RFX7: variants seen among roughly 807,000 people sequenced by gnomAD.
RFX7 encodes regulatory factor X7.
RFX7 carries 26 observed loss-of-function variants against 111.8 expected under a neutral mutation model. The ratio of observed to expected loss-of-function variants is 0.23; its 90% confidence interval spans 0.17 to 0.32. The LOEUF is 0.32. RFX7 is among the 10% of genes least tolerant of loss of function. The probability of loss-of-function intolerance (pLI) is 1.00; values close to 1 mark genes in which losing one functional copy is unlikely to be tolerated. For missense variants in RFX7, 1,573 were observed against 1,772.9 expected, an observed-to-expected ratio of 0.89 and a Z score of 2.02; for synonymous variants, 624 against 624.4, an observed-to-expected ratio of 1.00 and a Z score of 0.01.
At chr15:56,137,619 T>C (rs1269450867) in intron 5 of RFX7, among the ~76,000 whole-genome samples, 1 of 152,110 alleles carries the variant, frequency 6.6e-6, no homozygotes, top group African/African-American at 2.4e-5. Context: ...TTTCCTTCAG[T>C]TCTGCTCTGA....
At chr15:56,161,850 A>C (rs2042723886) in intron 3 of RFX7, among the ~76,000 whole-genome samples, 1 of 152,052 alleles carries the variant, frequency 6.6e-6, no homozygotes, top group Admixed American at 6.5e-5. Context: ...ACCAAAGCCA[A>C]AATATTTCAG....
Position 56,094,671 on chromosome 15 carries a change from T to A in RFX7, c.3057A>T (p.Glu1019Asp), listed in dbSNP as rs376897882. ...GAGTGAATGCAAACGGATTCCTGCA[T>A]TCAACAGGGCTGGGGGGGACACTAC... ...CSSSVPPSPVECRNPFAFTPI... is the reference protein window; with the variant it reads ...CSSSVPPSPVDCRNPFAFTPI... Residue 1019 changes from glutamate to aspartate, a missense_variant, in exon 10 of 10, where the codon GAA (glutamate) becomes GAT (aspartate). By Grantham distance (45) the Glu-to-Asp change is conservative. This residue lies in a region of RFX7 where 32 missense variants were observed against 67.7 expected (regional missense o/e 0.47). Coordinates refer to ENST00000559447, the MANE Select transcript of RFX7 (RefSeq NM_022841.7). The A allele has an allele frequency of 6.2e-6, 10 of 1,613,852 alleles. No homozygotes were observed. Among genetic ancestry groups the A allele is most frequent in the African/African-American group, 1.3e-5 (1 of 74,912 alleles).
chr15:56,093,261 T>C lies in RFX7; in HGVS notation c.*84A>G. 8.4e-7 allele frequency: 1 copy of C among 1,190,602 alleles called. No homozygotes were observed. The highest frequency in any genetic ancestry group is 1.6e-5 in the South Asian group (1 of 60,618). The allele number at this position is 1,190,602 out of a possible 1,614,324, so 73.8% of individuals were successfully genotyped here. On this transcript the variant is annotated 3_prime_UTR_variant, in exon 10 of 10. Coordinates refer to ENST00000559447, the MANE Select transcript of RFX7 (RefSeq NM_022841.7). ...TTTAAAATGTCACAATTAATAGTAT[T>C]TCTGCTGCGGGAGGCACTTCCATTA...
At chr15:56,116,657 T>G (rs996707565) in intron 5 of RFX7, among the ~76,000 whole-genome samples, 1 of 151,982 alleles carries the variant, frequency 6.6e-6, no homozygotes, top group African/African-American at 2.4e-5. Flanking sequence ...CAAGAACATA[T>G]AAGAAAGGCA....
rs758274813 is a variant in RFX7 at position 56,098,395 on chromosome 15, G to A, written c.812-19C>T. The A allele has an allele frequency of 5.1e-6, 8 of 1,559,976 alleles. No individual in the cohort carries two copies. The East Asian group carries it at 7.0e-5, about 14-fold the overall frequency. ...TTCATTCCTGAAAATAAACAGAAAG[G>A]AAAGCTGCAATAAATACTCTCCTTT... On this transcript the variant is annotated intron_variant, in intron 8 of 9. Coordinates refer to ENST00000559447, the MANE Select transcript of RFX7 (RefSeq NM_022841.7).
intron 5 of RFX7, among the ~76,000 whole-genome samples, chr15:56,137,097 C>T (rs1163089834): frequency 1.3e-5 from 2 of 152,180 alleles, no homozygotes; most frequent in Non-Finnish European, 1.5e-5. Flanking sequence ...ATGTCTCTGT[C>T]AGGCTTTGGT....
Position 56,101,857 on chromosome 15 carries a change from C to T in RFX7, c.604-291G>A, listed in dbSNP as rs575194003. ...TGTCAAAACTATGCCAATAGCCACACATTTTTTCTAAAATTCCTATAAAAC... is the reference window on the plus strand; with the variant it reads ...TGTCAAAACTATGCCAATAGCCACATATTTTTTCTAAAATTCCTATAAAAC... On this transcript the variant is annotated intron_variant, in intron 7 of 9. Coordinates refer to ENST00000559447, the MANE Select transcript of RFX7 (RefSeq NM_022841.7). Among the ~76,000 whole-genome samples, 8 of 152,304 alleles carry T rather than the reference C, an allele frequency of 5.3e-5. No individual in the cohort carries two copies. In the South Asian group the frequency reaches 1.2e-3, roughly 24 times the overall value.
chr15:56,123,614 C>T (rs559701635), intron 5 of RFX7, among the ~76,000 whole-genome samples: 4 of 152,262 alleles, frequency 2.6e-5, no homozygotes, highest in Admixed American at 6.5e-5. Context: ...CCACTGGTTC[C>T]GAGCCCAGCA....
chr15:56,139,002 C>A (rs1216838056), intron 5 of RFX7, among the ~76,000 whole-genome samples: 2 of 151,918 alleles, frequency 1.3e-5, no homozygotes, highest in African/African-American at 4.8e-5. Context: ...GTCTGATGGG[C>A]TTCCCATTGA....
chr15:56,102,949 G>A (rs2041777091), intron 6 of RFX7, among the ~76,000 whole-genome samples: 1 of 152,036 alleles, frequency 6.6e-6, no homozygotes, highest in Non-Finnish European at 1.5e-5. Flanking sequence ...CTTCTAAGAG[G>A]AGAAAGAACT....
intron 5 of RFX7, among the ~76,000 whole-genome samples, chr15:56,110,292 C>T (rs1276718129): frequency 1.1e-5 from 1 of 95,170 alleles, no homozygotes; most frequent in African/African-American, 3.9e-5. Context: ...CCCCGCCTGG[C>T]CAGCCGCCCC....
intron 3 of RFX7, among the ~76,000 whole-genome samples, chr15:56,148,718 A>G (rs1431080238): frequency 6.6e-6 from 1 of 152,194 alleles, no homozygotes; most frequent in Non-Finnish European, 1.5e-5. Context: ...CTTTGCAGTT[A>G]GCTTGTAGTC....
At chr15:56,158,127 T>C (rs985576222) in intron 3 of RFX7, among the ~76,000 whole-genome samples, 2 of 152,080 alleles carry the variant, frequency 1.3e-5, no homozygotes, top group Non-Finnish European at 2.9e-5. Context: ...ATATATAAAA[T>C]AGATGAATGA....
At position 56,095,907 on chromosome 15, in the gene RFX7, A is replaced by G. The variant is rs778502395; in HGVS notation, c.1821T>C (p.Asn607=). The G allele has an allele frequency of 1.2e-6, 2 of 1,605,406 alleles. No individual in the cohort carries two copies. The highest frequency in any genetic ancestry group is 4.5e-5 in the East Asian group (2 of 44,868). The change falls in exon 10 of 10, where the codon AAT becomes AAC. Residue 607 remains asparagine (N), a synonymous_variant. Coordinates refer to ENST00000559447, the MANE Select transcript of RFX7 (RefSeq NM_022841.7). ...DQRTKCKSRC[N]EMLPGTSTGN... Reference sequence around the variant, plus strand: ...CTGTTGACGTGCCTGGCAGCATTTCATTACAGCGACTTTTACATTTGGTCC... The same window carrying G: ...CTGTTGACGTGCCTGGCAGCATTTCGTTACAGCGACTTTTACATTTGGTCC...
intron 2 of RFX7, among the ~76,000 whole-genome samples, chr15:56,223,664 T>A (rs2043449730): frequency 6.6e-6 from 1 of 152,188 alleles, no homozygotes; most frequent in Admixed American, 6.5e-5. Flanking sequence ...ATGAACAATT[T>A]TTCAAGAAAT....
intron 2 of RFX7, among the ~76,000 whole-genome samples, chr15:56,187,921 C>T (rs1442187618): frequency 6.6e-6 from 1 of 152,060 alleles, no homozygotes; most frequent in Non-Finnish European, 1.5e-5. Flanking sequence ...GCAAAATACA[C>T]TATAGTGAAC....
intron 2 of RFX7, among the ~76,000 whole-genome samples, chr15:56,208,104 A>G (rs2043273799): frequency 6.6e-6 from 1 of 152,224 alleles, no homozygotes; most frequent in Non-Finnish European, 1.5e-5. Flanking sequence ...AATATTTAAG[A>G]AAAACCTCCT....
intron 5 of RFX7, among the ~76,000 whole-genome samples, chr15:56,116,384 A>G (rs529274153): frequency 3.8e-4 from 58 of 152,342 alleles, no homozygotes; most frequent in Non-Finnish European, 7.1e-4. Context: ...TACTCAATAC[A>G]TATTTGTTGA....
rs551323780 is a variant in RFX7, at chr15:56,196,626, C to T, written c.162-17323G>A. Among the ~76,000 whole-genome samples the T allele has an allele frequency of 7.9e-5, 12 of 152,114 alleles. No homozygotes were observed. The South Asian group carries it at 2.3e-3, about 29-fold the overall frequency. ...TGTATCTGATGGAACGGATACAGCA[C>T]TCGGAAGGAATCAACCCTGCTGGCA... On this transcript the variant is annotated intron_variant, in intron 2 of 9. Transcript: ENST00000559447.
Sources: allele counts gnomAD v4.1 joint callset (sites outside exome capture counted in the v4.1 genomes callset), GRCh38; gene constraint gnomAD v4.1.1; regional missense constraint gnomAD v4.1.1; transcripts MANE v1.5; gene names NCBI Gene and HGNC (gene_info 2026-07-23, HGNC 2026-07-21).